Variants in PSMF1 observed in about 807,000 individuals in gnomAD.
The protein encoded by PSMF1 is proteasome inhibitor subunit 1.
In PSMF1, 30 loss-of-function variants were observed where a neutral mutation model predicts 29.3. The ratio of observed to expected loss-of-function variants is 1.02; its 90% CI spans 0.77 to 1.39. The LOEUF (loss-of-function observed/expected upper bound fraction) is 1.39, where lower values mean the gene tolerates loss of function less well. Among genes scored for constraint, PSMF1 ranks in the 40% most tolerant of loss-of-function variants. The pLI is 0.00. For missense variants in PSMF1, 344 were observed against 357.5 expected, an observed-to-expected ratio of 0.96 and a Z score of 0.31; for synonymous variants, 134 against 139.7, an observed-to-expected ratio of 0.96 and a Z score of 0.29.
chr20:1,161,090 C>T (rs1333116089), intron 4 of PSMF1: 4 of 478,660 alleles, frequency 8.4e-6, no homozygotes, highest in Admixed American at 3.3e-5. Context: ...CTATGCCCTC[C>T]CCACGCCATC....
upstream of PSMF1, among the ~76,000 whole-genome samples, chr20:1,116,168 T>C (rs984453000): frequency 6.6e-6 from 1 of 152,136 alleles, no homozygotes; most frequent in Admixed American, 6.5e-5. Flanking sequence ...CCCTGCACTA[T>C]GGTTCATGGC....
intron 2 of PSMF1, among the ~76,000 whole-genome samples, chr20:1,126,171 C>T (rs147484961): frequency 6.2e-4 from 94 of 152,272 alleles, no homozygotes; most frequent in Non-Finnish European, 9.4e-4. Flanking sequence ...TGTCTCTTTA[C>T]GCCATCATTT....
At chr20:1,133,569 A>ATATATATATTT in intron 3 of PSMF1, among the ~76,000 whole-genome samples, 1 of 53,288 alleles carries the variant, frequency 1.9e-5, no homozygotes, top group Non-Finnish European at 4.6e-5. Flanking sequence ...ATATATATAT[A>ATATATATATTT]TTTTTTTTTT....
intron 4 of PSMF1, among the ~76,000 whole-genome samples, chr20:1,137,449 C>G (rs147766384): frequency 0.014 from 2,124 of 152,194 alleles, 25 homozygotes; most frequent in Non-Finnish European, 0.023. Flanking sequence ...TAATATTATG[C>G]AATAGTAAGT....
intron 4 of PSMF1, among the ~76,000 whole-genome samples, chr20:1,152,652 A>G (rs1161123850): frequency 6.6e-6 from 1 of 152,212 alleles, no homozygotes; most frequent in Non-Finnish European, 1.5e-5. Flanking sequence ...TTATAGAGGG[A>G]CAAGAGTAAA....
chr20:1,148,235 G>A (rs1231632743), intron 4 of PSMF1, among the ~76,000 whole-genome samples: 1 of 152,210 alleles, frequency 6.6e-6, no homozygotes, highest in East Asian at 1.9e-4. Flanking sequence ...TTCCATTGTA[G>A]TGGAAGATTG....
At chr20:1,159,983 C>T (rs968420331) in intron 4 of PSMF1, among the ~76,000 whole-genome samples, 1 of 152,168 alleles carries the variant, frequency 6.6e-6, no homozygotes, top group Admixed American at 6.5e-5. Context: ...TGCCCCAGAA[C>T]TATCAGGTTT....
At chr20:1,117,031 C>T (rs1270452382), upstream of PSMF1, among the ~76,000 whole-genome samples, 1 of 152,172 alleles carries the variant, frequency 6.6e-6, no homozygotes, top group African/African-American at 2.4e-5. Context: ...GAGGATCAGA[C>T]CAGAGTGGAA....
At position 1,168,623 on chromosome 20, in the gene PSMF1, G is replaced by C. The variant is rs2086758364; in HGVS notation, c.*3543G>C. Among the ~76,000 whole-genome samples the C allele has an allele frequency of 1.3e-5, 2 of 152,228 alleles. No homozygotes were observed. Among genetic ancestry groups the C allele is most frequent in the African/African-American group, 4.8e-5 (2 of 41,460 alleles). On this transcript the variant is annotated 3_prime_UTR_variant, in exon 7 of 7. Transcript: ENST00000335877. ...CAGTGGCGATGGTGTTCCTGTGCTG[G>C]ATGGTCAGTGGTTGTTGACATGTAG... is the stretch of plus-strand genomic sequence containing the variant.
Position 1,164,960 on chromosome 20 carries a change from G to C in PSMF1, c.765-69G>C. ...TGAAGGGCAGGCTCCCTCAGTGCAGGGTCATGTCTGCCCATGTTCCCCTGG... is the reference window on the plus strand; with the variant it reads ...TGAAGGGCAGGCTCCCTCAGTGCAGCGTCATGTCTGCCCATGTTCCCCTGG... On this transcript the variant is annotated intron_variant, in intron 6 of 6. Coordinates refer to ENST00000335877, the MANE Select transcript of PSMF1 (RefSeq NM_006814.5). This position sits in a 1 kb window ranked among gnomAD's most constrained non-coding sequence, Gnocchi z 4.1. 1 of 1,355,652 alleles carries C rather than the reference G, an allele frequency of 7.4e-7. No individual in the cohort carries two copies. Among genetic ancestry groups the C allele is most frequent in the Non-Finnish European group, 1.1e-6 (1 of 945,414 alleles). The allele number at this position is 1,355,652 out of a possible 1,614,324, so 84.0% of individuals were successfully genotyped here.
intron 1 of PSMF1, 79 bp from the exon 2 acceptor site, chr20:1,125,419 T>C: frequency 7.0e-7 from 1 of 1,427,308 alleles, no homozygotes; most frequent in East Asian, 2.4e-5. Context: ...GTGGGTAAGA[T>C]TAGCTTATCT....
In PSMF1 at chr20:1,164,563, C is replaced by T; in HGVS notation, c.764+87C>T. On this transcript the variant is annotated intron_variant, in intron 6 of 6. Transcript: ENST00000335877. The surrounding 1 kb of genome is among the most constrained non-coding windows in gnomAD (Gnocchi z 4.1). Reference sequence around the variant, plus strand: ...AGCAATGAAGGTTTCTAGCCCCAGGCACAGAGCTGCCGCTGCCTTCACCTG... The same window carrying T: ...AGCAATGAAGGTTTCTAGCCCCAGGTACAGAGCTGCCGCTGCCTTCACCTG... 3 of 1,529,574 alleles carry T rather than the reference C, an allele frequency of 2.0e-6. No individual in the cohort carries two copies. Among genetic ancestry groups the T allele is most frequent in the Non-Finnish European group, 2.7e-6 (3 of 1,117,608 alleles). 94.8% of individuals were successfully genotyped at this position (1,529,574 alleles called of 1,614,324 possible).
At chr20:1,139,871 CAAA>C in intron 4 of PSMF1, among the ~76,000 whole-genome samples, 1 of 151,812 alleles carries the variant, frequency 6.6e-6, no homozygotes, top group Middle Eastern at 3.4e-3. Context: ...ATAAATTTAA[CAAA>C]AGAAGAATTG....
At chr20:1,142,513 A>G (rs1763836735) in intron 4 of PSMF1, among the ~76,000 whole-genome samples, 2 of 151,854 alleles carry the variant, frequency 1.3e-5, no homozygotes, top group South Asian at 2.1e-4. Flanking sequence ...GAGTGAGAAC[A>G]TGCAGTGTTT....
intron 3 of PSMF1, among the ~76,000 whole-genome samples, chr20:1,133,990 C>CCTCT (rs111916675): frequency 2.0e-5 from 1 of 50,636 alleles, no homozygotes; most frequent in Non-Finnish European, 4.9e-5. Flanking sequence ...GTGACTGTGT[C>CCTCT]CTCTCTTTGT....
Position 1,166,124 on chromosome 20 carries a change from T to C in PSMF1, c.*1044T>C, listed in dbSNP as rs2086726669. 6.4e-7 allele frequency: 1 copy of C among 1,560,780 alleles called. No individual in the cohort carries two copies. The highest frequency in any genetic ancestry group is 1.4e-5 in the African/African-American group (1 of 73,642). ...GGGGCCCAGACAGAGCACAGGAGCA[T>C]GGGCTGCCTCTGAGTGTGGTGTTGA... On this transcript the variant is annotated 3_prime_UTR_variant, in exon 7 of 7. Coordinates refer to ENST00000335877, the MANE Select transcript of PSMF1 (RefSeq NM_006814.5).
At chr20:1,127,919 A>G (rs896944735) in intron 3 of PSMF1, among the ~76,000 whole-genome samples, 1 of 152,158 alleles carries the variant, frequency 6.6e-6, no homozygotes, top group Non-Finnish European at 1.5e-5. Context: ...GAGCATTCCC[A>G]TATTACCTCC....
chr20:1,115,406 T>G (rs1040129829), upstream of PSMF1, among the ~76,000 whole-genome samples: 3 of 152,262 alleles, frequency 2.0e-5, no homozygotes, highest in Non-Finnish European at 4.4e-5. Flanking sequence ...TAGGTACATT[T>G]GCTGTAGAAA....
upstream of PSMF1, chr20:1,117,701 G>A (rs2086025620): frequency 6.6e-6 from 1 of 152,254 alleles, no homozygotes. Context: ...ACAGACTAGA[G>A]AGAGACAGGA....
Sources: allele counts gnomAD v4.1 joint callset (sites outside exome capture counted in the v4.1 genomes callset), GRCh38; gene constraint gnomAD v4.1.1; non-coding constraint Gnocchi (gnomAD v3.1); transcripts MANE v1.5; gene names NCBI Gene and HGNC (gene_info 2026-07-23, HGNC 2026-07-21).